CTTNBP2: variants seen among roughly 807,000 people sequenced by gnomAD.
CTTNBP2 encodes the protein cortactin-binding protein 2.
A neutral mutation model predicts 156.9 loss-of-function variants in CTTNBP2; 108 were observed. The observed-to-expected ratio is 0.69, with a 90% CI of 0.59 to 0.81. The LOEUF (loss-of-function observed/expected upper bound fraction) is 0.81, where lower values mean the gene tolerates loss of function less well. CTTNBP2 is among the 30% of genes least tolerant of loss of function. The probability of loss-of-function intolerance (pLI) is 0.00; values close to 1 mark genes in which losing one functional copy is unlikely to be tolerated. For synonymous variants in CTTNBP2, 767 were observed against 751.8 expected, an observed-to-expected ratio of 1.02 and a Z score of -0.33; for missense variants, 1,924 against 2,035.4, an observed-to-expected ratio of 0.95 and a Z score of 1.05.
At chr7:117,824,915 T>C (rs1801189089) in intron 2 of CTTNBP2, among the ~76,000 whole-genome samples, 1 of 152,266 alleles carries the variant, frequency 6.6e-6, no homozygotes, top group African/African-American at 2.4e-5. Flanking sequence ...TCTTCCTTGT[T>C]CTATCCTGCA....
intron 12 of CTTNBP2, among the ~76,000 whole-genome samples, chr7:117,751,040 C>A (rs1423332385): frequency 6.6e-6 from 1 of 152,168 alleles, no homozygotes; most frequent in Non-Finnish European, 1.5e-5. Context: ...ATTCTTGTGT[C>A]TTCACAGACT....
chr7:117,809,329 A>G (rs1800129351), intron 3 of CTTNBP2, among the ~76,000 whole-genome samples: 1 of 152,246 alleles, frequency 6.6e-6, no homozygotes, highest in African/African-American at 2.4e-5. Flanking sequence ...ATTCAATGAC[A>G]ACAAAGTGTT....
chr7:117,715,580 A>G (rs886904277), intron 22 of CTTNBP2, among the ~76,000 whole-genome samples: 2 of 152,016 alleles, frequency 1.3e-5, no homozygotes, highest in Non-Finnish European at 2.9e-5. Context: ...AAAGGAAAAC[A>G]TTTATTAACA....
intron 8 of CTTNBP2, among the ~76,000 whole-genome samples, chr7:117,775,153 GT>G (rs886431012): frequency 6.6e-6 from 1 of 152,052 alleles, no homozygotes; most frequent in African/African-American, 2.4e-5. Context: ...AAATGGAGAG[GT>G]TAGACTAGAA....
At chr7:117,753,050 TA>T (rs2116603967) in intron 12 of CTTNBP2, among the ~76,000 whole-genome samples, 1 of 152,198 alleles carries the variant, frequency 6.6e-6, no homozygotes, top group East Asian at 1.9e-4. Flanking sequence ...ACAAGGAATT[TA>T]AACAAATTTA....
At chr7:117,841,690 A>G (rs761559475) in intron 2 of CTTNBP2, among the ~76,000 whole-genome samples, 9 of 152,230 alleles carry the variant, frequency 5.9e-5, no homozygotes, top group Non-Finnish European at 8.8e-5. Flanking sequence ...CAGAAATTGC[A>G]TGCATAGGAG....
intron 12 of CTTNBP2, among the ~76,000 whole-genome samples, chr7:117,748,053 C>A (rs1796431292): frequency 6.8e-6 from 1 of 147,214 alleles, no homozygotes; most frequent in Admixed American, 6.7e-5. Context: ...GGTGGAGGTG[C>A]AGGCAAGGAC....
intron 2 of CTTNBP2, among the ~76,000 whole-genome samples, chr7:117,837,641 C>T (rs1041094729): frequency 2.0e-5 from 3 of 152,150 alleles, no homozygotes; most frequent in African/African-American, 7.2e-5. Flanking sequence ...GTGTCATATA[C>T]ACCTTATACA....
intron 9 of CTTNBP2, among the ~76,000 whole-genome samples, chr7:117,761,695 C>T (rs1044281360): frequency 6.6e-6 from 1 of 151,982 alleles, no homozygotes; most frequent in Non-Finnish European, 1.5e-5. Flanking sequence ...CTTTAGTTTG[C>T]TTCATAAATG....
chr7:117,756,683 T>C (rs1562976882), intron 11 of CTTNBP2, 49 bp from the exon 12 acceptor site: 4 of 1,171,468 alleles, frequency 3.4e-6, no homozygotes, highest in Middle Eastern at 1.9e-4. Flanking sequence ...TTGTTAAATA[T>C]AAACGATCAA....
intron 2 of CTTNBP2, among the ~76,000 whole-genome samples, chr7:117,839,082 C>G (rs35601540): frequency 0.05 from 7,517 of 151,696 alleles, 224 homozygotes; most frequent in Middle Eastern, 0.071. Flanking sequence ...CATTAATATT[C>G]AAGTTAAGGC....
intron 2 of CTTNBP2, among the ~76,000 whole-genome samples, chr7:117,826,287 A>G (rs1801274431): frequency 6.6e-6 from 1 of 152,164 alleles, no homozygotes; most frequent in South Asian, 2.1e-4. Flanking sequence ...GAAAATATAA[A>G]TAATAAATCT....
At chr7:117,853,060 C>T (rs752810255) in intron 2 of CTTNBP2, among the ~76,000 whole-genome samples, 56 of 152,184 alleles carry the variant, frequency 3.7e-4, no homozygotes, top group Non-Finnish European at 2.6e-4. Context: ...GGACATATAA[C>T]GAAAACCTAA....
intron 4 of CTTNBP2, among the ~76,000 whole-genome samples, chr7:117,789,856 A>C (rs111408117): frequency 1.3e-5 from 2 of 152,310 alleles, no homozygotes; most frequent in African/African-American, 4.8e-5. Context: ...CTAGATTTCA[A>C]CATAGATCTA....
Position 117,726,760 on chromosome 7 carries a change from T to C in CTTNBP2, c.4055+1329A>G, listed in dbSNP as rs1008593452. Among the ~76,000 whole-genome samples the C allele has an allele frequency of 2.0e-5, 3 of 152,118 alleles. No homozygotes were observed. The East Asian group carries it at 5.8e-4, about 29-fold the overall frequency. ...GGAGTTCCACAGCTGTTGAGGCAAA[T>C]CCAGCAACCACATGGGCTACTATGT... On this transcript the variant is annotated intron_variant, in intron 17 of 22. Coordinates refer to ENST00000160373, the MANE Select transcript of CTTNBP2 (RefSeq NM_033427.3).
intron 7 of CTTNBP2, among the ~76,000 whole-genome samples, chr7:117,778,991 AT>A (rs1798258085): frequency 6.6e-6 from 1 of 152,226 alleles, no homozygotes; most frequent in South Asian, 2.1e-4. Context: ...GGGCTAAGTC[AT>A]CTGACCATTT....
intron 16 of CTTNBP2, among the ~76,000 whole-genome samples, chr7:117,733,405 G>A (rs549162322): frequency 2.6e-5 from 4 of 152,322 alleles, no homozygotes; most frequent in Admixed American, 1.3e-4. Flanking sequence ...GAGCTAGCGG[G>A]AGAGGGGTAT....
At chr7:117,838,982 T>TA (rs1325711759) in intron 2 of CTTNBP2, among the ~76,000 whole-genome samples, 5 of 144,692 alleles carry the variant, frequency 3.5e-5, no homozygotes, top group Middle Eastern at 3.4e-3. Flanking sequence ...GGGGGGCTTT[T>TA]AAAAAAAATC....
At chr7:117,785,507 C>G (rs1798662247) in intron 4 of CTTNBP2, among the ~76,000 whole-genome samples, 1 of 152,104 alleles carries the variant, frequency 6.6e-6, no homozygotes, top group Non-Finnish European at 1.5e-5. Context: ...ATATTCATCC[C>G]TAAGGGCACA....
Sources: gnomAD v4.1 joint callset for allele counts (sites outside exome capture counted in the v4.1 genomes callset) on GRCh38, gnomAD v4.1.1 for gene constraint, MANE v1.5 for transcripts, NCBI Gene and HGNC (gene_info 2026-07-23, HGNC 2026-07-21) for gene names.